DNAJC15: variants seen among roughly 807,000 people sequenced by gnomAD.
The protein encoded by DNAJC15 is DnaJ heat shock protein family (Hsp40) member C15.
A neutral mutation model predicts 22.4 loss-of-function variants in DNAJC15; 27 were observed. The observed-to-expected ratio is 1.20, with a 90% CI of 0.89 to 1.66. The LOEUF is 1.66. Ranked by LOEUF, DNAJC15 falls within the 40% of genes most tolerant of loss-of-function variation. DNAJC15 has a pLI of 0.00. For synonymous variants in DNAJC15, 79 were observed against 63.2 expected, an observed-to-expected ratio of 1.25 and a Z score of -1.19; for missense variants, 208 against 187.1, an observed-to-expected ratio of 1.11 and a Z score of -0.65.
At chr13:43,035,776 AGTGGCGTGAT>A (rs1256802340) in intron 1 of DNAJC15, among the ~76,000 whole-genome samples, 1 of 152,098 alleles carries the variant, frequency 6.6e-6, no homozygotes, top group Non-Finnish European at 1.5e-5. Context: ...GCTGGTGTAC[AGTGGCGTGAT>A]CATAGCTCAC....
intron 5 of DNAJC15, among the ~76,000 whole-genome samples, chr13:43,106,550 T>A (rs1203119215): frequency 5.9e-5 from 9 of 152,146 alleles, no homozygotes; most frequent in Admixed American, 5.9e-4. Flanking sequence ...TCTGTAAATA[T>A]TCGAATAGAA....
chr13:43,056,567 C>T lies in DNAJC15; in HGVS notation c.109-9119C>T, dbSNP rs139871563. ...TGTTCTAGGGTATAGTTTAAGTCCA[C>T]TGTTTCTTTGTTGACTTTCTGTCTT... On this transcript the variant is annotated intron_variant, in intron 1 of 5. Coordinates refer to ENST00000379221, the MANE Select transcript of DNAJC15 (RefSeq NM_013238.3). 8.8e-4 allele frequency among the ~76,000 whole-genome samples: 134 copies of T among 152,288 alleles called. 1 individual carries two copies. In the East Asian group the frequency reaches 0.017, roughly 19 times the overall value.
In DNAJC15 at chr13:43,057,646, G is replaced by A. The variant is rs1460039817; in HGVS notation, c.109-8040G>A. Among the ~76,000 whole-genome samples the A allele has an allele frequency of 2.6e-5, 4 of 152,188 alleles. No individual in the cohort carries two copies. The East Asian group carries it at 5.8e-4, about 22-fold the overall frequency. Reference sequence around the variant, plus strand: ...TTGGATCCATTGCTGGTGAGCTAGTGTGGTCTTTTGGAGATGTTAAAGAAC... The same window carrying A: ...TTGGATCCATTGCTGGTGAGCTAGTATGGTCTTTTGGAGATGTTAAAGAAC... On this transcript the variant is annotated intron_variant, in intron 1 of 5. Coordinates refer to ENST00000379221, the MANE Select transcript of DNAJC15 (RefSeq NM_013238.3).
intron 1 of DNAJC15, among the ~76,000 whole-genome samples, chr13:43,024,347 T>TTG (rs2040369102): frequency 7.1e-6 from 1 of 140,398 alleles, no homozygotes; most frequent in African/African-American, 2.7e-5. Context: ...GTTTTTTTTT[T>TTG]TTTTTTTTTT....
intron 1 of DNAJC15, among the ~76,000 whole-genome samples, chr13:43,059,359 T>C (rs2040546297): frequency 6.6e-6 from 1 of 152,150 alleles, no homozygotes. Flanking sequence ...TGAGCTCATA[T>C]ATTTATATTT....
Position 43,023,731 on chromosome 13 carries a change from A to G in DNAJC15, c.105A>G (p.Arg35=), listed in dbSNP as rs777017738. The change falls in exon 1 of 6, where the codon AGA becomes AGG. Residue 35 remains arginine (R), a synonymous_variant. Coordinates refer to ENST00000379221, the MANE Select transcript of DNAJC15 (RefSeq NM_013238.3). ...CAGACGCCGACGTCGACCAGCAGAG[A>G]CTGGTGAGTCCTGCCAGCGGCCCCC... ...KRPDADVDQQ[R]LVRSLIAVGL... is the part of the protein sequence containing the mutation. 6.2e-7 allele frequency: 1 copy of G among 1,607,212 alleles called. No homozygotes were observed. The highest frequency in any genetic ancestry group is 1.1e-5 in the South Asian group (1 of 90,104).
intron 1 of DNAJC15, among the ~76,000 whole-genome samples, chr13:43,034,529 A>T (rs200809472): frequency 1.3e-5 from 2 of 151,496 alleles, no homozygotes; most frequent in African/African-American, 4.8e-5. Flanking sequence ...GTTAGCCAGG[A>T]TGGTCTTGTT....
chr13:43,065,800 GAT>G, intron 2 of DNAJC15, 63 bp downstream of exon 2: 1 of 1,435,304 alleles, frequency 7.0e-7, no homozygotes. Context: ...CATCTACAGT[GAT>G]TCATGAGTAG....
intron 5 of DNAJC15, among the ~76,000 whole-genome samples, chr13:43,093,682 T>C (rs2040725970): frequency 1.3e-5 from 2 of 152,200 alleles, no homozygotes; most frequent in African/African-American, 4.8e-5. Context: ...CTCAAAGTGC[T>C]GGGATTACAG....
At chr13:43,050,389 T>C (rs2040497319) in intron 1 of DNAJC15, among the ~76,000 whole-genome samples, 1 of 152,058 alleles carries the variant, frequency 6.6e-6, no homozygotes. Context: ...CACTGTGGCC[T>C]CAATCTCCTG....
At chr13:43,073,644 T>C (rs2040619072) in intron 3 of DNAJC15, among the ~76,000 whole-genome samples, 1 of 152,198 alleles carries the variant, frequency 6.6e-6, no homozygotes, top group Non-Finnish European at 1.5e-5. Flanking sequence ...TTTTCTCTGA[T>C]GTTTGAAGCT....
Position 43,112,557 on chromosome 13 carries a change from TAATTAG to T in DNAJC15, c.*5313_*5318del. 1 of 152,326 alleles carries T rather than the reference TAATTAG, an allele frequency of 6.6e-6. No individual in the cohort carries two copies. Among genetic ancestry groups the T allele is most frequent in the East Asian group, 1.9e-4 (1 of 5,188 alleles). The allele number at this position is 152,326 out of a possible 1,614,324, so 9.4% of individuals were successfully genotyped here. Reference sequence around the variant, plus strand: ...TCTAAACTATAATGCTAAAAGCCAATAATTAGAATAAGTTCATTTTAAGAAAAGCAT... The same window carrying T: ...TCTAAACTATAATGCTAAAAGCCAATAATAAGTTCATTTTAAGAAAAGCAT... On this transcript the variant is annotated 3_prime_UTR_variant, in exon 6 of 6. Coordinates refer to ENST00000379221, the MANE Select transcript of DNAJC15 (RefSeq NM_013238.3).
chr13:43,103,695 CTT>C (rs2153442362), intron 5 of DNAJC15, among the ~76,000 whole-genome samples: 1 of 152,258 alleles, frequency 6.6e-6, no homozygotes, highest in East Asian at 1.9e-4. Context: ...TGTTCTTACT[CTT>C]TCATTTTGTC....
At chr13:43,067,186 G>C (rs757591993) in intron 2 of DNAJC15, among the ~76,000 whole-genome samples, 1 of 152,126 alleles carries the variant, frequency 6.6e-6, no homozygotes, top group Non-Finnish European at 1.5e-5. Flanking sequence ...AGAAATAAGA[G>C]GGTCTTGTTT....
intron 1 of DNAJC15, among the ~76,000 whole-genome samples, chr13:43,064,231 G>A (rs1298827522): frequency 6.6e-6 from 1 of 152,224 alleles, no homozygotes; most frequent in East Asian, 1.9e-4. Flanking sequence ...CAGAGTTTTT[G>A]CATATTAAAG....
intron 1 of DNAJC15, among the ~76,000 whole-genome samples, chr13:43,055,249 A>AAG (rs2040524640): frequency 6.6e-6 from 1 of 152,026 alleles, no homozygotes; most frequent in African/African-American, 2.4e-5. Flanking sequence ...GATAAAAAAA[A>AAG]AAACTCTGCT....
chr13:43,037,398 G>A (rs888077940), intron 1 of DNAJC15, among the ~76,000 whole-genome samples: 8 of 152,094 alleles, frequency 5.3e-5, no homozygotes, highest in African/African-American at 1.4e-4. Flanking sequence ...GAGATGCAGT[G>A]GGATCATTTT....
chr13:43,075,903 C>T (rs150900775), intron 3 of DNAJC15, among the ~76,000 whole-genome samples: 2 of 152,134 alleles, frequency 1.3e-5, no homozygotes, highest in South Asian at 2.1e-4. Context: ...TGAGGTGATC[C>T]GCCCGCCTCA....
intron 4 of DNAJC15, among the ~76,000 whole-genome samples, chr13:43,085,520 G>T (rs1245251366): frequency 6.6e-6 from 1 of 152,058 alleles, no homozygotes; most frequent in East Asian, 1.9e-4. Flanking sequence ...CCTATATGTT[G>T]TTTTGTTTTT....
Sources: gnomAD v4.1 joint callset for allele counts (sites outside exome capture counted in the v4.1 genomes callset) on GRCh38, gnomAD v4.1.1 for gene constraint, MANE v1.5 for transcripts, NCBI Gene and HGNC (gene_info 2026-07-23, HGNC 2026-07-21) for gene names.